The following IFI44 variants were observed in gnomAD, a reference collection of about 807,000 sequenced individuals.
The protein encoded by IFI44 is interferon-induced protein 44.
IFI44 carries 42 observed loss-of-function variants against 45.0 expected under a neutral mutation model. The observed-to-expected ratio is 0.93, with a 90% confidence interval of 0.73 to 1.21. IFI44 has a LOEUF of 1.21. IFI44 is among the 50% of genes most tolerant of loss of function. IFI44 has a pLI of 0.00. For missense variants in IFI44, 623 were observed against 525.8 expected (o/e 1.18, Z -1.81); for synonymous variants, 221 against 188.6 (o/e 1.17, Z -1.41).
Position 78,662,759 on chromosome 1 carries a change from G to A in IFI44, c.1169G>A (p.Ser390Asn), listed in dbSNP as rs1297090555. The change falls in exon 8 of 9, where the codon AGC (serine) becomes AAC (asparagine). Residue 390 changes from serine to asparagine, a missense_variant. Physicochemically the swap from Ser to Asn is conservative, Grantham distance 46. Transcript: ENST00000370747. ...GCTCTTTCTGACATCTCGGTGGTTA[G>A]CAATTATTCCTCTGAGTGGGAGCTG... ...GFALSDISVV[S>N]NYSSEWELDP... 3 of 1,605,150 alleles carry A rather than the reference G, an allele frequency of 1.9e-6. No individual in the cohort carries two copies. The highest frequency in any genetic ancestry group is 2.6e-6 in the Non-Finnish European group (3 of 1,176,192).
rs1406110019 is a variant in IFI44, at chr1:78,660,423, G to T, written c.1013-131G>T. On this transcript the variant is annotated intron_variant, in intron 6 of 8. Transcript: ENST00000370747. ...AGGGGAGTTTTTTGGGGAGATGAGG[G>T]TGACCGGGGTGTGGGGGATCTTTCC... The T allele has an allele frequency of 1.6e-5, 10 of 639,774 alleles. No individual in the cohort carries two copies. In the African/African-American group the frequency reaches 1.8e-4, roughly 12 times the overall value. The allele number at this position is 639,774 out of a possible 1,614,324, so 39.6% of individuals were successfully genotyped here. A position where few individuals can be genotyped will look rare whatever the true frequency, so the allele number is the denominator to read the frequency against.
At chr1:78,650,880 G>A (rs1647113401) in intron 2 of IFI44, among the ~76,000 whole-genome samples, 1 of 152,196 alleles carries the variant, frequency 6.6e-6, no homozygotes, top group Non-Finnish European at 1.5e-5. Context: ...CACATTTTAA[G>A]TACAGTAAAT....
chr1:78,663,428 C>A, intron 8 of IFI44: 1 of 985,290 alleles, frequency 1.0e-6, no homozygotes, highest in East Asian at 1.1e-4. Flanking sequence ...TTTCTTTTAA[C>A]AATCTGTGCA....
intron 2 of IFI44, among the ~76,000 whole-genome samples, chr1:78,652,953 C>T (rs141929497): frequency 1.2e-3 from 182 of 152,178 alleles, no homozygotes; most frequent in African/African-American, 4.2e-3. Flanking sequence ...GTCTCTGTCA[C>T]TCCAAATCTT....
chr1:78,655,061 G>T lies in IFI44; in HGVS notation c.542G>T (p.Gly181Val). ...LSALRTYEPY[G>V]SLVQQIRILL... ...GCCTTGAGAACTTATGAACCATATG[G>T]ATCCCTGGTTCAACAAATACGAATT... The change falls in exon 4 of 9, where the codon GGA (glycine) becomes GTA (valine). Residue 181 changes from glycine to valine, a missense_variant. Coordinates refer to ENST00000370747, the MANE Select transcript of IFI44 (RefSeq NM_006417.5). 6.2e-6 allele frequency: 10 copies of T among 1,613,868 alleles called. No homozygotes were observed. Among genetic ancestry groups the T allele is most frequent in the Non-Finnish European group, 8.5e-6 (10 of 1,179,814 alleles).
chr1:78,656,995 C>G (rs1366674392), intron 5 of IFI44, among the ~76,000 whole-genome samples: 1 of 151,662 alleles, frequency 6.6e-6, no homozygotes, highest in East Asian at 1.9e-4. Flanking sequence ...TTATCTATAT[C>G]TACCCACTTT....
Position 78,650,091 on chromosome 1 carries a change from A to T in IFI44, c.-10-95A>T, listed in dbSNP as rs1037491414. 6.9e-6 allele frequency: 5 copies of T among 727,848 alleles called. No individual in the cohort carries two copies. In the African/African-American group the frequency reaches 8.9e-5, roughly 13 times the overall value. The allele number at this position is 727,848 out of a possible 1,614,324, so 45.1% of individuals were successfully genotyped here. A position where few individuals can be genotyped will look rare whatever the true frequency, so the allele number is the denominator to read the frequency against. ...CCTTTGTTTTGTCATTTTTTGTATT[A>T]TGTAGAGTATATAAGAGGCATAAAT... On this transcript the variant is annotated intron_variant, in intron 1 of 8. Coordinates refer to ENST00000370747, the MANE Select transcript of IFI44 (RefSeq NM_006417.5).
chr1:78,660,301 C>G (rs1290754112), intron 6 of IFI44, among the ~76,000 whole-genome samples: 2 of 151,968 alleles, frequency 1.3e-5, no homozygotes, highest in Non-Finnish European at 2.9e-5. Flanking sequence ...TTACCTCTTC[C>G]AAGAGGTGGT....
At chr1:78,659,232 C>T in intron 5 of IFI44, 80 bp from the exon 6 acceptor site, 2 of 1,142,502 alleles carry the variant, frequency 1.8e-6, no homozygotes, top group Non-Finnish European at 2.6e-6. Context: ...CCATTTGATT[C>T]ACTTGCACAG....
At chr1:78,660,704 A>C (rs1471163003) in intron 7 of IFI44, 50 bp downstream of exon 7, 2 of 1,120,412 alleles carry the variant, frequency 1.8e-6, no homozygotes, top group South Asian at 2.5e-5. Context: ...ATGTTACTAC[A>C]ATCACATACT....
At position 78,650,180 on chromosome 1, in the gene IFI44, C is replaced by A. The variant is rs1369485107; in HGVS notation, c.-10-6C>A. ...TTAATGGAAAATATATATGATTTGC[C>A]ACTAGATCAAGAAGTATGGCAGTGA... On this transcript the variant is annotated splice_region_variant and splice_polypyrimidine_tract_variant and intron_variant, in intron 1 of 8. Coordinates refer to ENST00000370747, the MANE Select transcript of IFI44 (RefSeq NM_006417.5). The A allele has an allele frequency of 1.3e-6, 2 of 1,562,522 alleles. No individual in the cohort carries two copies. The highest frequency in any genetic ancestry group is 2.4e-5 in the South Asian group (2 of 84,076).
chr1:78,663,450 GC>G lies in IFI44; in HGVS notation c.1289-314del, dbSNP rs367786636. 1,803 of 985,344 alleles carry G rather than the reference GC, an allele frequency of 1.8e-3. 6 individuals are homozygous for G. The highest frequency in any genetic ancestry group is 0.012 in the South Asian group (265 of 21,286). 61.0% of individuals were successfully genotyped at this position (985,344 alleles called of 1,614,324 possible). A position where few individuals can be genotyped will look rare whatever the true frequency, so the allele number is the denominator to read the frequency against. ...TAACAATCTGTGCATAGTACATGCT[GC>G]TCTGTTCCATTTAGAGATTTGACAG... On this transcript the variant is annotated intron_variant, in intron 8 of 8. Transcript: ENST00000370747.
chr1:78,657,770 A>G (rs1310019428), intron 5 of IFI44, among the ~76,000 whole-genome samples: 1 of 152,096 alleles, frequency 6.6e-6, no homozygotes, highest in Non-Finnish European at 1.5e-5. Context: ...TCAAGATATT[A>G]TTTTATTGTT....
chr1:78,659,429 T>C lies in IFI44; in HGVS notation c.958T>C (p.Ser320Pro), dbSNP rs750410774. 49 of 1,613,450 alleles carry C rather than the reference T, an allele frequency of 3.0e-5. No homozygotes were observed. In the South Asian group the frequency reaches 5.2e-4, roughly 17 times the overall value. ...TGATGCCAGCTCTATTCAATACTTCTCCTCTCAGATGATAGTAAAGATCAA... is the reference window on the plus strand; with the variant it reads ...TGATGCCAGCTCTATTCAATACTTCCCCTCTCAGATGATAGTAAAGATCAA... ...VFDASSIQYF[S>P]SQMIVKIKRI... Residue 320 changes from serine (S) to proline (P), a missense_variant, in exon 6 of 9, where the codon TCC becomes CCC. Transcript: ENST00000370747.
At position 78,663,748 on chromosome 1, in the gene IFI44, T is replaced by G. The variant is rs372550620; in HGVS notation, c.1289-17T>G. On this transcript the variant is annotated splice_polypyrimidine_tract_variant and intron_variant, in intron 8 of 8. Coordinates refer to ENST00000370747, the MANE Select transcript of IFI44 (RefSeq NM_006417.5). ...CTGAGATAATCCACTAAGAATATTT[T>G]GTGTTTCTTTTCTCAGGGAATCTAA... 24 of 1,610,916 alleles carry G rather than the reference T, an allele frequency of 1.5e-5. No homozygotes were observed. The African/African-American group carries it at 2.7e-4, about 18-fold the overall frequency.
At chr1:78,652,370 C>G (rs1647138479) in intron 2 of IFI44, among the ~76,000 whole-genome samples, 1 of 152,206 alleles carries the variant, frequency 6.6e-6, no homozygotes, top group African/African-American at 2.4e-5. Flanking sequence ...CGTGAGCCAC[C>G]GTGCCCGGCT....
At chr1:78,650,017 A>G (rs1647094938) in intron 1 of IFI44, 112 bp downstream of exon 1, 1 of 466,836 alleles carries the variant, frequency 2.1e-6, no homozygotes, top group Non-Finnish European at 3.7e-6. Context: ...TTAAAAAACA[A>G]TAATTTATAG....
intron 5 of IFI44, among the ~76,000 whole-genome samples, chr1:78,658,363 G>A (rs1472309466): frequency 6.6e-6 from 1 of 151,980 alleles, no homozygotes; most frequent in Non-Finnish European, 1.5e-5. Flanking sequence ...AATCAAAACT[G>A]GAAACAATTA....
intron 5 of IFI44, among the ~76,000 whole-genome samples, chr1:78,657,734 C>T (rs1647252399): frequency 6.6e-6 from 1 of 152,090 alleles, no homozygotes. Flanking sequence ...GAAATTATAA[C>T]ATCTCCTTCG....
Sources: gnomAD v4.1 joint callset for allele counts (sites outside exome capture counted in the v4.1 genomes callset) on GRCh38, gnomAD v4.1.1 for gene constraint, MANE v1.5 for transcripts, NCBI Gene and HGNC (gene_info 2026-07-23, HGNC 2026-07-21) for gene names.